The following XPR1 variants were observed in gnomAD, a reference collection of about 807,000 sequenced individuals.
The protein encoded by XPR1 is solute carrier family 53 member 1.
Under a neutral mutation model 87.5 loss-of-function variants are expected in XPR1, and 28 were observed. The ratio of observed to expected loss-of-function variants is 0.32; its 90% CI spans 0.24 to 0.44. XPR1 has a LOEUF of 0.44. Among genes scored for constraint, XPR1 ranks in the 20% least tolerant of loss-of-function variants. The pLI, the probability that XPR1 is intolerant of heterozygous loss-of-function variation, is 1.00. For missense variants in XPR1, 559 were observed against 862.3 expected (o/e 0.65, Z 4.41); for synonymous variants, 300 against 306.1 (o/e 0.98, Z 0.21).
At chr1:180,680,356 CCTTTTTTTTTTTT>C (rs997652786) in intron 1 of XPR1, among the ~76,000 whole-genome samples, 13 of 119,706 alleles carry the variant, frequency 1.1e-4, no homozygotes, top group African/African-American at 3.8e-4. Context: ...ACAAATAGAA[CCTTTTTTTTTTTT>C]TTTTTTTTTT....
chr1:180,747,612 T>C (rs1204673041), intron 2 of XPR1, among the ~76,000 whole-genome samples: 2 of 152,196 alleles, frequency 1.3e-5, no homozygotes, highest in Non-Finnish European at 2.9e-5. Flanking sequence ...AATAAGTTAA[T>C]AGGGAAGGCT....
chr1:180,789,229 CT>C (rs1292994901), intron 3 of XPR1, among the ~76,000 whole-genome samples: 1 of 152,200 alleles, frequency 6.6e-6, no homozygotes, highest in Non-Finnish European at 1.5e-5. Flanking sequence ...CTACTGACCT[CT>C]TGGTTGCTCA....
chr1:180,829,071 C>T (rs935046287), intron 9 of XPR1, among the ~76,000 whole-genome samples: 1 of 152,102 alleles, frequency 6.6e-6, no homozygotes, highest in African/African-American at 2.4e-5. Context: ...TGGCACGCAT[C>T]TGTAGCCCCA....
At chr1:180,763,464 T>TGTGG (rs1424617894) in intron 2 of XPR1, among the ~76,000 whole-genome samples, 2 of 152,214 alleles carry the variant, frequency 1.3e-5, no homozygotes, top group African/African-American at 4.8e-5. Context: ...CCTCGGAGTC[T>TGTGG]GTGGGTAAGC....
At chr1:180,771,266 G>GCA (rs1648501776) in intron 2 of XPR1, among the ~76,000 whole-genome samples, 1 of 151,906 alleles carries the variant, frequency 6.6e-6, no homozygotes, top group Non-Finnish European at 1.5e-5. Flanking sequence ...TCATTCTCTT[G>GCA]ATTAAGTTTG....
At chr1:180,740,173 ATAT>A (rs1019215584) in intron 2 of XPR1, among the ~76,000 whole-genome samples, 3 of 151,954 alleles carry the variant, frequency 2.0e-5, no homozygotes, top group Non-Finnish European at 4.4e-5. Context: ...TCTTTGTCTT[ATAT>A]TATTGCACTG....
At chr1:180,744,744 G>A (rs1015096358) in intron 2 of XPR1, among the ~76,000 whole-genome samples, 1 of 142,642 alleles carries the variant, frequency 7.0e-6, no homozygotes, top group Non-Finnish European at 1.5e-5. Flanking sequence ...TCCGCCTCCC[G>A]GGTTCAAGTG....
intron 1 of XPR1, among the ~76,000 whole-genome samples, chr1:180,665,709 C>T (rs1174235899): frequency 6.6e-6 from 1 of 152,136 alleles, no homozygotes; most frequent in Non-Finnish European, 1.5e-5. Context: ...TCTCTCTGTG[C>T]CACACAGCTG....
intron 1 of XPR1, among the ~76,000 whole-genome samples, chr1:180,635,810 G>C (rs1654740307): frequency 6.6e-6 from 1 of 152,122 alleles, no homozygotes; most frequent in South Asian, 2.1e-4. Context: ...TAATGTTAGA[G>C]AATTGGACTT....
Position 180,824,824 on chromosome 1 carries a change from A to G in XPR1, c.835A>G (p.Ile279Val). The change falls in exon 8 of 15, where the codon ATT (isoleucine) becomes GTT (valine). Residue 279 changes from isoleucine to valine, a missense_variant. Physicochemically the swap from Ile to Val is conservative, Grantham distance 29. Coordinates refer to ENST00000367590, the MANE Select transcript of XPR1 (RefSeq NM_004736.4). ...IRIYRGGFLL[I>V]EFLFLLGINT... ...AATCTATCGGGGTGGCTTTCTTCTG[A>G]TTGAATTCCTTTTTCTACTGGGCAT... 3 of 1,614,028 alleles carry G rather than the reference A, an allele frequency of 1.9e-6. No homozygotes were observed. Among genetic ancestry groups the G allele is most frequent in the Non-Finnish European group, 8.5e-7 (1 of 1,179,974 alleles).
At chr1:180,813,705 T>A (rs183533356) in intron 7 of XPR1, among the ~76,000 whole-genome samples, 21 of 152,296 alleles carry the variant, frequency 1.4e-4, no homozygotes, top group African/African-American at 4.6e-4. Context: ...CTTCTTATAG[T>A]CAAGGACTTT....
At chr1:180,659,592 C>A (rs1655694201) in intron 1 of XPR1, among the ~76,000 whole-genome samples, 1 of 128,496 alleles carries the variant, frequency 7.8e-6, no homozygotes, top group African/African-American at 3.1e-5. Context: ...CCACCGCACC[C>A]CCACCCCCCA....
At chr1:180,695,539 T>C (rs1657137944) in intron 2 of XPR1, among the ~76,000 whole-genome samples, 1 of 152,160 alleles carries the variant, frequency 6.6e-6, no homozygotes, top group East Asian at 1.9e-4. Flanking sequence ...TCCCTTTGTT[T>C]TCTTCTGGTA....
intron 13 of XPR1, among the ~76,000 whole-genome samples, chr1:180,877,016 A>G (rs1652686156): frequency 6.6e-6 from 1 of 152,264 alleles, no homozygotes; most frequent in South Asian, 2.1e-4. Flanking sequence ...TTCTGAATAC[A>G]TGGTCAACAT....
chr1:180,636,660 A>G lies in XPR1; in HGVS notation c.69+4390A>G, dbSNP rs78411077. On this transcript the variant is annotated intron_variant, in intron 1 of 14. Transcript: ENST00000367590. ...AATCTGGGAAGCATTTAAGAGAATGATTGAGTTGTGCTGGGTAAGGATTTC... is the reference window on the plus strand; with the variant it reads ...AATCTGGGAAGCATTTAAGAGAATGGTTGAGTTGTGCTGGGTAAGGATTTC... Among the ~76,000 whole-genome samples the G allele has an allele frequency of 3.9e-4, 60 of 152,244 alleles. No homozygotes were observed. The East Asian group carries it at 0.011, about 28-fold the overall frequency.
chr1:180,864,044 A>C (rs772552450), intron 12 of XPR1, among the ~76,000 whole-genome samples, 170 bp downstream of exon 12: 1 of 152,184 alleles, frequency 6.6e-6, no homozygotes, highest in East Asian at 1.9e-4. Flanking sequence ...GATGTTTACT[A>C]TATGCTAGGT....
chr1:180,722,954 C>T (rs77325957), intron 2 of XPR1, among the ~76,000 whole-genome samples: 37 of 152,252 alleles, frequency 2.4e-4, no homozygotes, highest in African/African-American at 7.7e-4. Context: ...TAGAGAACAT[C>T]GTCTTTAATT....
chr1:180,793,406 G>C (rs1649458210), intron 3 of XPR1, among the ~76,000 whole-genome samples: 1 of 151,896 alleles, frequency 6.6e-6, no homozygotes, highest in South Asian at 2.1e-4. Flanking sequence ...CACTGAAATA[G>C]TAAATGTTCA....
chr1:180,692,299 AGTGGTAGATCTATCT>A (rs1657019277), intron 2 of XPR1, among the ~76,000 whole-genome samples: 1 of 152,058 alleles, frequency 6.6e-6, no homozygotes, highest in Non-Finnish European at 1.5e-5. Flanking sequence ...CCAAGAATGA[AGTGGTAGATCTATCT>A]GTAGGCACTG....
Sources: gnomAD v4.1 joint callset for allele counts (sites outside exome capture counted in the v4.1 genomes callset) on GRCh38, gnomAD v4.1.1 for gene constraint, MANE v1.5 for transcripts, NCBI Gene and HGNC (gene_info 2026-07-23, HGNC 2026-07-21) for gene names.